The following GAL3ST1 variants were observed in gnomAD, a reference collection of about 807,000 sequenced individuals.
GAL3ST1 encodes the protein galactosylceramide sulfotransferase.
Under a neutral mutation model 25.0 loss-of-function variants are expected in GAL3ST1, and 13 were observed. That is an observed-to-expected ratio of 0.52 (90% CI 0.34 to 0.83). GAL3ST1 has a LOEUF of 0.83. GAL3ST1 is among the 40% of genes least tolerant of loss of function. GAL3ST1 has a pLI of 0.02. For missense variants in GAL3ST1, 474 were observed against 613.6 expected (o/e 0.77, Z 2.40); for synonymous variants, 274 against 277.8 (o/e 0.99, Z 0.14).
intron 2 of GAL3ST1, 107 bp from the exon 3 acceptor site, chr22:30,557,508 C>A: frequency 7.9e-7 from 1 of 1,261,544 alleles, no homozygotes; most frequent in Non-Finnish European, 1.1e-6. Context: ...TGCTCTGTGG[C>A]CCCCCAGCAG....
chr22:30,570,970 G>A (rs1448414112), intron 1 of GAL3ST1, among the ~76,000 whole-genome samples: 1 of 138,704 alleles, frequency 7.2e-6, no homozygotes, highest in Non-Finnish European at 1.5e-5. Flanking sequence ...TTTTGATTCT[G>A]TGATGATACA....
chr22:30,562,822 C>T lies in GAL3ST1; in HGVS notation c.-119-4434G>A, dbSNP rs1569004561. Among the ~76,000 whole-genome samples, 21 of 152,338 alleles carry T rather than the reference C, an allele frequency of 1.4e-4. No homozygotes were observed. In the South Asian group the frequency reaches 4.3e-3, roughly 32 times the overall value. On this transcript the variant is annotated intron_variant, in intron 1 of 3. Coordinates refer to ENST00000406361, the MANE Select transcript of GAL3ST1 (RefSeq NM_001318104.2). ...ACAGACGAAAGTAATACATGTGAGG[C>T]ACATGCATGTAAAAGCTCCCATGGG...
chr22:30,562,224 A>T (rs954334219), intron 1 of GAL3ST1, among the ~76,000 whole-genome samples: 10 of 151,972 alleles, frequency 6.6e-5, no homozygotes, highest in Admixed American at 2.0e-4. Context: ...GCTACTTTTT[A>T]AAAAAAATTT....
At chr22:30,557,459 A>T in intron 2 of GAL3ST1, 58 bp from the exon 3 acceptor site, 1 of 1,598,094 alleles carries the variant, frequency 6.3e-7, no homozygotes, top group East Asian at 2.2e-5. Context: ...GGGAGCCCCC[A>T]AGGCTGCCCA....
chr22:30,567,893 G>A (rs1162135218), intron 1 of GAL3ST1, among the ~76,000 whole-genome samples: 3 of 152,040 alleles, frequency 2.0e-5, no homozygotes, highest in African/African-American at 4.8e-5. Context: ...ACCTTGGGCA[G>A]GCTGGTCTCA....
At chr22:30,557,046 T>C (rs910022718) in intron 3 of GAL3ST1, among the ~76,000 whole-genome samples, 1 of 152,210 alleles carries the variant, frequency 6.6e-6, no homozygotes, top group Non-Finnish European at 1.5e-5. Context: ...AAAGGCTCTG[T>C]TTTTATCCCC....
At chr22:30,564,360 C>T (rs905342729) in intron 1 of GAL3ST1, among the ~76,000 whole-genome samples, 3 of 152,220 alleles carry the variant, frequency 2.0e-5, no homozygotes, top group Non-Finnish European at 2.9e-5. Flanking sequence ...CCAGAGACTC[C>T]TAGCCTCAGG....
In GAL3ST1 at chr22:30,556,051, C is replaced by T; in HGVS notation, c.174G>A (p.Glu58=). The part of the protein sequence containing the change: ...AAASCSPPAL[E]PEAVIRANGS... ...CGTTGGCCCGGATCACTGCCTCTGG[C>T]TCGAGTGCAGGTGGAGAGCAGGACG... The change falls in exon 4 of 4, where the codon GAG becomes GAA. Residue 58 remains glutamate (E), a synonymous_variant. Transcript: ENST00000406361. The T allele has an allele frequency of 6.2e-7, 1 of 1,611,988 alleles. No homozygotes were observed. The highest frequency in any genetic ancestry group is 8.5e-7 in the Non-Finnish European group (1 of 1,179,844).
intron 1 of GAL3ST1, among the ~76,000 whole-genome samples, chr22:30,565,705 C>T (rs1569008260): frequency 6.6e-6 from 1 of 152,166 alleles, no homozygotes; most frequent in Non-Finnish European, 1.5e-5. Flanking sequence ...AGATCTTCCC[C>T]AAGGCCTTGG....
chr22:30,573,421 G>C (rs2086831960), intron 1 of GAL3ST1, among the ~76,000 whole-genome samples: 2 of 152,214 alleles, frequency 1.3e-5, no homozygotes, highest in African/African-American at 4.8e-5. Context: ...GGGATAGGTA[G>C]CAATGCCTCC....
chr22:30,571,211 G>T (rs897032164), intron 1 of GAL3ST1, among the ~76,000 whole-genome samples: 1 of 152,182 alleles, frequency 6.6e-6, no homozygotes, highest in African/African-American at 2.4e-5. Flanking sequence ...AGAAGGAGCT[G>T]GGAAGTGTGG....
intron 1 of GAL3ST1, among the ~76,000 whole-genome samples, chr22:30,571,203 A>G (rs2086774881): frequency 6.6e-6 from 1 of 152,138 alleles, no homozygotes; most frequent in African/African-American, 2.4e-5. Context: ...TGGGACTGAG[A>G]AGGAGCTGGG....
At chr22:30,559,029 G>A (rs2086212694) in intron 1 of GAL3ST1, among the ~76,000 whole-genome samples, 1 of 151,828 alleles carries the variant, frequency 6.6e-6, no homozygotes, top group Admixed American at 6.6e-5. Context: ...GTGGTGGCAT[G>A]CCCCTATAGT....
At chr22:30,571,600 A>G (rs1601988820) in intron 1 of GAL3ST1, among the ~76,000 whole-genome samples, 3 of 152,214 alleles carry the variant, frequency 2.0e-5, no homozygotes, top group Admixed American at 2.0e-4. Context: ...GCAGTGGCTC[A>G]CGCCTGTAAT....
At chr22:30,556,245 G>C in intron 3 of GAL3ST1, 152 bp from the exon 4 acceptor site, 1 of 649,996 alleles carries the variant, frequency 1.5e-6, no homozygotes, top group South Asian at 2.0e-5. Flanking sequence ...GGGTGCCTGC[G>C]CGGGTGGTTT....
chr22:30,560,084 C>T (rs539518633), intron 1 of GAL3ST1, among the ~76,000 whole-genome samples: 1 of 152,248 alleles, frequency 6.6e-6, no homozygotes, highest in South Asian at 2.1e-4. Context: ...CAGAGGTTAC[C>T]GTGAGCCAAG....
Position 30,555,984 on chromosome 22 carries a change from A to G in GAL3ST1, c.241T>C (p.Leu81=), listed in dbSNP as rs2085994719. 2 of 1,613,622 alleles carry G rather than the reference A, an allele frequency of 1.2e-6. No homozygotes were observed. Among genetic ancestry groups the G allele is most frequent in the Non-Finnish European group, 1.7e-6 (2 of 1,179,986 alleles). ...ECQPRRNIVF[L]KTHKTASSTL... ...CTGCTGGCCGTCTTGTGCGTCTTCAAGAACACGATGTTGCGCCGCGGCTGG... is the reference window on the plus strand; with the variant it reads ...CTGCTGGCCGTCTTGTGCGTCTTCAGGAACACGATGTTGCGCCGCGGCTGG... Residue 81 remains leucine (L), a synonymous_variant, in exon 4 of 4, where the codon TTG becomes CTG. Transcript: ENST00000406361. This position sits in a 1 kb window ranked among gnomAD's most constrained non-coding sequence, Gnocchi z 8.6.
chr22:30,565,613 G>A (rs1017694366), intron 1 of GAL3ST1, among the ~76,000 whole-genome samples: 1 of 152,174 alleles, frequency 6.6e-6, no homozygotes, highest in Admixed American at 6.5e-5. Context: ...CAGAGAGGGT[G>A]TCCTGCCTCT....
At chr22:30,560,097 C>T (rs2086305267) in intron 1 of GAL3ST1, among the ~76,000 whole-genome samples, 2 of 152,086 alleles carry the variant, frequency 1.3e-5, no homozygotes, top group South Asian at 4.1e-4. Context: ...GAGCCAAGGT[C>T]GCACCACTGC....
Sources: gnomAD v4.1 joint callset for allele counts (sites outside exome capture counted in the v4.1 genomes callset) on GRCh38, gnomAD v4.1.1 for gene constraint, Gnocchi (gnomAD v3.1) non-coding constraint, MANE v1.5 for transcripts, NCBI Gene and HGNC (gene_info 2026-07-23, HGNC 2026-07-21) for gene names.